Variants in TPCN1 observed in about 807,000 individuals in gnomAD.
TPCN1 encodes two pore segment channel 1.
Under a neutral mutation model 108.8 loss-of-function variants are expected in TPCN1, and 52 were observed. The ratio of observed to expected loss-of-function variants is 0.48; its 90% CI spans 0.38 to 0.60. The LOEUF is 0.60. Ranked by LOEUF, TPCN1 falls within the 20% of genes least tolerant of loss-of-function variation. The pLI is 0.00. For synonymous variants in TPCN1, 446 were observed against 433.7 expected (o/e 1.03, Z -0.35); for missense variants, 806 against 1,072.8 (o/e 0.75, Z 3.47).
chr12:113,298,541 C>T lies in TPCN1; in HGVS notation c.*2465C>T, dbSNP rs1450777045. ...TTGTTTCCTAGAAAACCCATTGTGT[C>T]TCTGGATTTCTAGCACATTACTAAA... On this transcript the variant is annotated 3_prime_UTR_variant, in exon 28 of 28. Transcript: ENST00000335509. 6.6e-6 allele frequency: 1 copy of T among 152,266 alleles called. No homozygotes were observed. Among genetic ancestry groups the T allele is most frequent in the Non-Finnish European group, 1.5e-5 (1 of 68,056 alleles). The allele number at this position is 152,266 out of a possible 1,614,324, so 9.4% of individuals were successfully genotyped here. A position where few individuals can be genotyped will look rare whatever the true frequency, so the allele number is the denominator to read the frequency against.
chr12:113,252,663 G>T (rs935386031), intron 2 of TPCN1, among the ~76,000 whole-genome samples: 1 of 152,234 alleles, frequency 6.6e-6, no homozygotes, highest in Non-Finnish European at 1.5e-5. Flanking sequence ...GCTGGGGCAT[G>T]TGGAGGTCGT....
chr12:113,268,882 G>C lies in TPCN1; in HGVS notation c.659+10G>C. On this transcript the variant is annotated intron_variant, in intron 6 of 27. Transcript: ENST00000335509. This position sits in a 1 kb window ranked among gnomAD's most constrained non-coding sequence, Gnocchi z 7.3. ...GCGGTGGCGTCCGGCGGTAAGGCCC[G>C]GGTGGGGAGCTGGGCAGTCACTATC... The C allele has an allele frequency of 1.9e-6, 3 of 1,613,452 alleles. No homozygotes were observed. The highest frequency in any genetic ancestry group is 2.5e-6 in the Non-Finnish European group (3 of 1,179,752).
Position 113,260,351 on chromosome 12 carries a change from C to CT in TPCN1, c.113-16dup, listed in dbSNP as rs772938350. Reference sequence around the variant, plus strand: ...AAGCCTGGGTGCCAAGTGAATCTCTCTCCTCTTCCAATGCAGATGGCGGCA... The same window carrying CT: ...AAGCCTGGGTGCCAAGTGAATCTCTCTTCCTCTTCCAATGCAGATGGCGGCA... On this transcript the variant is annotated splice_polypyrimidine_tract_variant and intron_variant, in intron 2 of 27. Transcript: ENST00000335509. The CT allele has an allele frequency of 1.2e-5, 18 of 1,485,888 alleles. No homozygotes were observed. The highest frequency in any genetic ancestry group is 1.8e-4 in the Middle Eastern group (1 of 5,624). The allele number at this position is 1,485,888 out of a possible 1,614,324, so 92.0% of individuals were successfully genotyped here.
chr12:113,236,074 GGC>G (rs1181780374), intron 2 of TPCN1, among the ~76,000 whole-genome samples: 2 of 152,184 alleles, frequency 1.3e-5, no homozygotes, highest in African/African-American at 4.8e-5. Flanking sequence ...ATCCTGGGGT[GGC>G]GGAAAAGCCC....
In TPCN1 at chr12:113,272,469, G is replaced by A. The variant is rs1038804341; in HGVS notation, c.749-189G>A. Among the ~76,000 whole-genome samples, 5 of 152,220 alleles carry A rather than the reference G, an allele frequency of 3.3e-5. No homozygotes were observed. Among genetic ancestry groups the A allele is most frequent in the African/African-American group, 9.6e-5 (4 of 41,452 alleles). Reference sequence around the variant, plus strand: ...GGCACATTGCTGTAGGGCAGCAAGCGTCTGGTGCCAGCAGCCCTGCTCCCT... The same window carrying A: ...GGCACATTGCTGTAGGGCAGCAAGCATCTGGTGCCAGCAGCCCTGCTCCCT... On this transcript the variant is annotated intron_variant, in intron 7 of 27. Coordinates refer to ENST00000335509, the MANE Select transcript of TPCN1 (RefSeq NM_017901.6). The surrounding 1 kb of genome is among the most constrained non-coding windows in gnomAD (Gnocchi z 4.1).
At position 113,273,492 on chromosome 12, in the gene TPCN1, G is replaced by A; in HGVS notation, c.843-77G>A. 1 of 1,335,708 alleles carries A rather than the reference G, an allele frequency of 7.5e-7. No homozygotes were observed. The highest frequency in any genetic ancestry group is 1.1e-6 in the Non-Finnish European group (1 of 926,746). The allele number at this position is 1,335,708 out of a possible 1,614,324, so 82.7% of individuals were successfully genotyped here. ...AGGCTGGGAAGGCAGACAAGGAGCTGTCCTCTGCAAGGCATGTGCTCTGAG... is the reference window on the plus strand; with the variant it reads ...AGGCTGGGAAGGCAGACAAGGAGCTATCCTCTGCAAGGCATGTGCTCTGAG... On this transcript the variant is annotated intron_variant, in intron 9 of 27. Coordinates refer to ENST00000335509, the MANE Select transcript of TPCN1 (RefSeq NM_017901.6). The surrounding 1 kb of genome is among the most constrained non-coding windows in gnomAD (Gnocchi z 4.0).
chr12:113,240,290 C>T (rs775463370), intron 2 of TPCN1, among the ~76,000 whole-genome samples: 3 of 152,140 alleles, frequency 2.0e-5, no homozygotes, highest in Non-Finnish European at 4.4e-5. Flanking sequence ...ATGGAGGTGG[C>T]TTGGGAGATT....
At chr12:113,283,924 C>T (rs1955977022) in intron 15 of TPCN1, among the ~76,000 whole-genome samples, 2 of 152,166 alleles carry the variant, frequency 1.3e-5, no homozygotes, top group African/African-American at 4.8e-5. Context: ...TCCACCTGCC[C>T]CAGCCTTTCA....
intron 2 of TPCN1, among the ~76,000 whole-genome samples, chr12:113,242,039 G>A (rs942626429): frequency 2.0e-5 from 3 of 152,094 alleles, no homozygotes; most frequent in African/African-American, 7.2e-5. Flanking sequence ...GAAATTACCC[G>A]TGGACATCTG....
intron 10 of TPCN1, among the ~76,000 whole-genome samples, chr12:113,275,709 A>T (rs1955650491): frequency 6.6e-6 from 1 of 151,734 alleles, no homozygotes; most frequent in Non-Finnish European, 1.5e-5. Context: ...AGTAGCTGGG[A>T]CTACAGGCAC....
Position 113,288,186 on chromosome 12 carries a change from A to T in TPCN1, c.1658A>T (p.Tyr553Phe). The change falls in exon 20 of 28, where the codon TAC becomes TTC. Residue 553 changes from tyrosine to phenylalanine, a missense_variant. Tyr to Phe is a conservative substitution (Grantham distance 22). Transcript: ENST00000335509. The surrounding 1 kb of genome is among the most constrained non-coding windows in gnomAD (Gnocchi z 4.8). Reference protein sequence around the residue: ...LLRLFKLKERYRNVLDTMFEL... With the variant: ...LLRLFKLKERFRNVLDTMFEL... ...AGGTTGTTTAAGTTGAAGGAGCGCT[A>T]CCGCAACGTGCTGGACACCATGTTC... is the stretch of plus-strand genomic sequence containing the variant. 6.2e-7 allele frequency: 1 copy of T among 1,613,812 alleles called. No homozygotes were observed. The highest frequency in any genetic ancestry group is 8.5e-7 in the Non-Finnish European group (1 of 1,179,872).
chr12:113,252,479 G>C (rs972225478), intron 2 of TPCN1, among the ~76,000 whole-genome samples: 1 of 152,200 alleles, frequency 6.6e-6, no homozygotes, highest in Non-Finnish European at 1.5e-5. Context: ...GGGCAGGAAG[G>C]CTCCAAAGGG....
At chr12:113,283,855 T>G (rs538477321) in intron 15 of TPCN1, among the ~76,000 whole-genome samples, 2 of 152,238 alleles carry the variant, frequency 1.3e-5, no homozygotes, top group African/African-American at 4.8e-5. Flanking sequence ...TTTTATTTTT[T>G]GCAGGGATTT....
chr12:113,248,960 G>A (rs1954516305), intron 2 of TPCN1, among the ~76,000 whole-genome samples: 1 of 152,230 alleles, frequency 6.6e-6, no homozygotes, highest in African/African-American at 2.4e-5. Context: ...CAGTGTGGCA[G>A]GGGAGCTGGT....
rs367596438 is a variant in TPCN1, at chr12:113,282,388, C to T, written c.1342+2193C>T. Among the ~76,000 whole-genome samples the T allele has an allele frequency of 1.5e-4, 23 of 152,016 alleles. No individual in the cohort carries two copies. In the East Asian group the frequency reaches 1.9e-3, roughly 13 times the overall value. ...GATTACAGGCATGAGCCACCGCATCCGGCCTACACATTTGGATTTCTTTAT... is the reference window on the plus strand; with the variant it reads ...GATTACAGGCATGAGCCACCGCATCTGGCCTACACATTTGGATTTCTTTAT... On this transcript the variant is annotated intron_variant, in intron 15 of 27. Transcript: ENST00000335509.
At chr12:113,277,675 CAG>C (rs1027863553) in intron 12 of TPCN1, among the ~76,000 whole-genome samples, 4 of 152,158 alleles carry the variant, frequency 2.6e-5, no homozygotes, top group Admixed American at 2.0e-4. Context: ...GGTGGACAGA[CAG>C]GGGTGAATAT....
At position 113,241,183 on chromosome 12, in the gene TPCN1, T is replaced by C. The variant is rs920485956; in HGVS notation, c.112+14219T>C. Among the ~76,000 whole-genome samples the C allele has an allele frequency of 2.0e-5, 3 of 152,252 alleles. No individual in the cohort carries two copies. The East Asian group carries it at 5.8e-4, about 29-fold the overall frequency. On this transcript the variant is annotated intron_variant, in intron 2 of 27. Transcript: ENST00000335509. ...AAAAGGAAGGGAAGGCCGAAAGCAG[T>C]GCCTGGCCATTGACTGCATAGGAAT...
At chr12:113,250,672 C>T (rs1038287217) in intron 2 of TPCN1, among the ~76,000 whole-genome samples, 1 of 152,194 alleles carries the variant, frequency 6.6e-6, no homozygotes, top group African/African-American at 2.4e-5. Context: ...AATTATTTCC[C>T]GGCCAGGCGC....
In TPCN1 at chr12:113,273,383, G is replaced by T; in HGVS notation, c.842+93G>T. On this transcript the variant is annotated intron_variant, in intron 9 of 27. Coordinates refer to ENST00000335509, the MANE Select transcript of TPCN1 (RefSeq NM_017901.6). This position sits in a 1 kb window ranked among gnomAD's most constrained non-coding sequence, Gnocchi z 4.0. ...CAAGTATATTCCACATCCCAGCACA[G>T]GCAGGTGCTGTGGTGCTATTGGGAG... 3 of 1,421,712 alleles carry T rather than the reference G, an allele frequency of 2.1e-6. No individual in the cohort carries two copies. Among genetic ancestry groups the T allele is most frequent in the Non-Finnish European group, 2.0e-6 (2 of 1,006,552 alleles). 88.1% of individuals were successfully genotyped at this position (1,421,712 alleles called of 1,614,324 possible).
Sources: gnomAD v4.1 joint callset for allele counts (sites outside exome capture counted in the v4.1 genomes callset) on GRCh38, gnomAD v4.1.1 for gene constraint, Gnocchi (gnomAD v3.1) non-coding constraint, MANE v1.5 for transcripts, NCBI Gene and HGNC (gene_info 2026-07-23, HGNC 2026-07-21) for gene names.